DPP10: variants seen among roughly 807,000 people sequenced by gnomAD.
DPP10 encodes dipeptidyl peptidase like 10.
DPP10 carries 33 observed loss-of-function variants against 120.9 expected under a neutral mutation model. The observed-to-expected ratio is 0.27, with a 90% CI of 0.21 to 0.37. The LOEUF is 0.37. Ranked by LOEUF, DPP10 falls within the 10% of genes least tolerant of loss-of-function variation. The probability of loss-of-function intolerance (pLI) is 1.00; values close to 1 mark genes in which losing one functional copy is unlikely to be tolerated. For missense variants in DPP10, 816 were observed against 942.8 expected (o/e 0.87, Z 1.76); for synonymous variants, 337 against 326.1 (o/e 1.03, Z -0.36).
intron 1 of DPP10, among the ~76,000 whole-genome samples, chr2:115,243,384 T>G (rs530203447): frequency 6.6e-6 from 1 of 152,278 alleles, no homozygotes; most frequent in South Asian, 2.1e-4. Flanking sequence ...GTTGATTGGC[T>G]GCAAGTCAAC....
chr2:115,223,664 G>T (rs1223988145), intron 1 of DPP10, among the ~76,000 whole-genome samples: 4 of 152,062 alleles, frequency 2.6e-5, no homozygotes, highest in Non-Finnish European at 5.9e-5. Flanking sequence ...CGAAAATGCA[G>T]TCCAGCAGCA....
rs113730367 is a variant in DPP10 at position 115,018,250 on chromosome 2, A to G, written c.61-290989A>G. The stretch of plus-strand genomic sequence containing the variant: ...TGTGGAGAAATAGTAATGCTTTTAC[A>G]CTGCTGGTAGGAGTGTAAATTAGTT... On this transcript the variant is annotated intron_variant, in intron 1 of 25. Coordinates refer to ENST00000410059, the MANE Select transcript of DPP10 (RefSeq NM_020868.6). Among the ~76,000 whole-genome samples the G allele has an allele frequency of 7.5e-3, 1,141 of 152,340 alleles. 4 individuals are homozygous for G. The highest frequency in any genetic ancestry group is 0.012 in the Non-Finnish European group (848 of 68,042).
At chr2:114,459,348 A>G (rs1678745415) in intron 1 of DPP10, among the ~76,000 whole-genome samples, 1 of 152,212 alleles carries the variant, frequency 6.6e-6, no homozygotes, top group South Asian at 2.1e-4. Flanking sequence ...TACTACCTTC[A>G]TCACTGATTA....
chr2:114,822,486 C>T (rs547302682), intron 1 of DPP10, among the ~76,000 whole-genome samples: 6 of 152,266 alleles, frequency 3.9e-5, no homozygotes, highest in Admixed American at 3.3e-4. Flanking sequence ...ACATTTTCCC[C>T]GTTGTCTTGG....
intron 1 of DPP10, among the ~76,000 whole-genome samples, chr2:115,012,500 C>A (rs1042678067): frequency 1.3e-5 from 2 of 152,212 alleles, no homozygotes; most frequent in African/African-American, 4.8e-5. Context: ...AGGTGGATCA[C>A]ATCACAGGGC....
chr2:114,931,636 T>A (rs1696075465), intron 1 of DPP10, among the ~76,000 whole-genome samples: 1 of 152,168 alleles, frequency 6.6e-6, no homozygotes, highest in Non-Finnish European at 1.5e-5. Flanking sequence ...ACTGGGTAAC[T>A]GGGTGGCAAA....
intron 1 of DPP10, among the ~76,000 whole-genome samples, chr2:115,013,658 C>CAAAAAAAAAAAAAAAAAA (rs59313783): frequency 1.7e-5 from 1 of 58,412 alleles, no homozygotes; most frequent in Non-Finnish European, 3.7e-5. Context: ...AAATGGAAAG[C>CAAAAAAAAAAAAAAAAAA]AAAAAAAAAA....
intron 1 of DPP10, among the ~76,000 whole-genome samples, chr2:114,489,429 A>G (rs1681793364): frequency 6.6e-6 from 1 of 152,224 alleles, no homozygotes; most frequent in African/African-American, 2.4e-5. Context: ...GGGGCCCAGC[A>G]TCCAATTCCT....
chr2:115,766,044 G>A (rs1680668219), intron 12 of DPP10, among the ~76,000 whole-genome samples: 1 of 151,784 alleles, frequency 6.6e-6, no homozygotes, highest in Non-Finnish European at 1.5e-5. Flanking sequence ...TAATTATTGA[G>A]CTCAATTTAC....
chr2:115,618,038 C>T (rs1319986877), intron 5 of DPP10, among the ~76,000 whole-genome samples: 1 of 152,100 alleles, frequency 6.6e-6, no homozygotes, highest in Admixed American at 6.6e-5. Context: ...ATGCTTTGGG[C>T]ATTGTGACAT....
At chr2:114,823,079 T>G (rs1686230879) in intron 1 of DPP10, among the ~76,000 whole-genome samples, 1 of 152,186 alleles carries the variant, frequency 6.6e-6, no homozygotes, top group Non-Finnish European at 1.5e-5. Context: ...CACCCTACTC[T>G]ACCGGTACCA....
At chr2:114,563,917 G>A (rs1312999912) in intron 1 of DPP10, among the ~76,000 whole-genome samples, 2 of 152,092 alleles carry the variant, frequency 1.3e-5, no homozygotes, top group Non-Finnish European at 2.9e-5. Context: ...CTTGCATGTT[G>A]CATTCTTGAA....
intron 3 of DPP10, among the ~76,000 whole-genome samples, chr2:115,459,265 G>C (rs537784901): frequency 3.3e-5 from 5 of 151,442 alleles, no homozygotes; most frequent in African/African-American, 1.2e-4. Flanking sequence ...CAAGTGATTC[G>C]TCTGCCTCAG....
chr2:115,658,474 T>C (rs927712793), intron 5 of DPP10, among the ~76,000 whole-genome samples: 1 of 152,066 alleles, frequency 6.6e-6, no homozygotes. Context: ...ACATTAGTTC[T>C]CGCTTGCTAT....
chr2:114,940,543 A>G (rs2104563077), intron 1 of DPP10, among the ~76,000 whole-genome samples: 1 of 151,392 alleles, frequency 6.6e-6, no homozygotes, highest in South Asian at 2.1e-4. Context: ...AATCTACACC[A>G]GAGACCACTC....
At chr2:115,103,349 G>A (rs1266423814) in intron 1 of DPP10, among the ~76,000 whole-genome samples, 3 of 152,144 alleles carry the variant, frequency 2.0e-5, no homozygotes, top group African/African-American at 7.2e-5. Context: ...CACCACGCCC[G>A]GCTAATTTTT....
chr2:114,641,340 G>A (rs149794493), intron 1 of DPP10, among the ~76,000 whole-genome samples: 29 of 151,520 alleles, frequency 1.9e-4, no homozygotes, highest in African/African-American at 5.6e-4. Flanking sequence ...TTCCATATTC[G>A]TGGCTAGCAG....
chr2:115,026,499 T>A (rs1028888135), intron 1 of DPP10, among the ~76,000 whole-genome samples: 1 of 152,078 alleles, frequency 6.6e-6, no homozygotes, highest in African/African-American at 2.4e-5. Flanking sequence ...CTATTCTGGG[T>A]CTTTTGCGGT....
At chr2:114,877,316 A>G (rs1303530471) in intron 1 of DPP10, among the ~76,000 whole-genome samples, 1 of 152,072 alleles carries the variant, frequency 6.6e-6, no homozygotes, top group Admixed American at 6.6e-5. Context: ...TATTATTTTC[A>G]TAGTAAGTAG....
Sources: allele counts gnomAD v4.1 joint callset (sites outside exome capture counted in the v4.1 genomes callset), GRCh38; gene constraint gnomAD v4.1.1; transcripts MANE v1.5; gene names NCBI Gene and HGNC (gene_info 2026-07-23, HGNC 2026-07-21).